Variants in SGCZ observed in about 807,000 individuals in gnomAD.
The protein encoded by SGCZ is zeta-sarcoglycan.
A neutral mutation model predicts 41.3 loss-of-function variants in SGCZ; 40 were observed. The ratio of observed to expected loss-of-function variants is 0.97; its 90% CI spans 0.75 to 1.26. SGCZ has a LOEUF of 1.26. Ranked by LOEUF, SGCZ falls within the 50% of genes most tolerant of loss-of-function variation. The pLI is 0.00. For missense variants in SGCZ, 552 were observed against 369.8 expected (o/e 1.49, Z -4.04); for synonymous variants, 206 against 137.5 (o/e 1.50, Z -3.49).
chr8:14,267,883 C>T (rs1799928337), intron 3 of SGCZ, among the ~76,000 whole-genome samples: 1 of 151,898 alleles, frequency 6.6e-6, no homozygotes, highest in Non-Finnish European at 1.5e-5. Context: ...GTAAAAAAGT[C>T]ATTCTATTTT....
intron 1 of SGCZ, among the ~76,000 whole-genome samples, chr8:15,194,555 TG>T (rs1156726417): frequency 2.0e-5 from 3 of 151,938 alleles, no homozygotes; most frequent in African/African-American, 4.8e-5. Flanking sequence ...ATTACCCAAG[TG>T]GGCCAATGGA....
intron 2 of SGCZ, among the ~76,000 whole-genome samples, chr8:14,445,890 A>G (rs1800418185): frequency 6.6e-6 from 1 of 152,130 alleles, no homozygotes; most frequent in Admixed American, 6.6e-5. Context: ...TCCTGCACTC[A>G]CTAACTCATG....
chr8:14,126,936 C>A (rs1249813026), intron 5 of SGCZ, among the ~76,000 whole-genome samples: 1 of 151,870 alleles, frequency 6.6e-6, no homozygotes, highest in Admixed American at 6.6e-5. Context: ...AATGAGAACA[C>A]ATGGACACAG....
intron 3 of SGCZ, among the ~76,000 whole-genome samples, chr8:14,255,080 G>C (rs956178153): frequency 6.6e-6 from 1 of 152,086 alleles, no homozygotes; most frequent in Non-Finnish European, 1.5e-5. Context: ...ATTAGTTCCA[G>C]ATAATTCTCT....
Position 15,131,713 on chromosome 8 carries a change from A to G in SGCZ, c.39+105872T>C, listed in dbSNP as rs541321267. 3.3e-5 allele frequency among the ~76,000 whole-genome samples: 5 copies of G among 152,282 alleles called. No individual in the cohort carries two copies. In the South Asian group the frequency reaches 8.3e-4, roughly 25 times the overall value. Reference sequence around the variant, plus strand: ...CAGAACAGTTATTGAGTCCCCTAATAGCAACCAGCTCTGTTCATCATTTAT... The same window carrying G: ...CAGAACAGTTATTGAGTCCCCTAATGGCAACCAGCTCTGTTCATCATTTAT... On this transcript the variant is annotated intron_variant, in intron 1 of 7. Transcript: ENST00000382080.
intron 1 of SGCZ, among the ~76,000 whole-genome samples, chr8:15,194,612 A>T (rs1345867598): frequency 6.6e-6 from 1 of 152,194 alleles, no homozygotes; most frequent in East Asian, 1.9e-4. Flanking sequence ...TCAGAGTCAG[A>T]AAAAGGAAAT....
In SGCZ at chr8:14,613,090, C is replaced by A. The variant is rs530544858; in HGVS notation, c.40-58164G>T. Among the ~76,000 whole-genome samples, 163 of 152,286 alleles carry A rather than the reference C, an allele frequency of 1.1e-3. 3 individuals are homozygous for A. Among genetic ancestry groups the A allele is most frequent in the African/African-American group, 3.6e-3 (149 of 41,558 alleles). On this transcript the variant is annotated intron_variant, in intron 1 of 7. Coordinates refer to ENST00000382080, the MANE Select transcript of SGCZ (RefSeq NM_139167.4). Reference sequence around the variant, plus strand: ...GAGGGAGGCTGCACCCTGTGCCCTGCACCCCACATGCACCCTGCCTGGCAC... The same window carrying A: ...GAGGGAGGCTGCACCCTGTGCCCTGAACCCCACATGCACCCTGCCTGGCAC...
intron 3 of SGCZ, among the ~76,000 whole-genome samples, chr8:14,240,287 C>T (rs549918927): frequency 2.9e-5 from 4 of 138,570 alleles, no homozygotes; most frequent in African/African-American, 8.2e-5. Context: ...CAGATTGCAC[C>T]ACTGCACTCC....
At chr8:14,941,808 T>C (rs1585398050) in intron 1 of SGCZ, among the ~76,000 whole-genome samples, 1 of 151,638 alleles carries the variant, frequency 6.6e-6, no homozygotes, top group East Asian at 1.9e-4. Context: ...GTCATATATA[T>C]GTAATATATG....
chr8:14,220,980 G>C (rs1234588427), intron 4 of SGCZ, among the ~76,000 whole-genome samples: 1 of 150,236 alleles, frequency 6.7e-6, no homozygotes, highest in East Asian at 2.0e-4. Context: ...TGAACTTAGA[G>C]TTTCAGTATT....
At chr8:14,695,022 C>CA (rs1466540835) in intron 1 of SGCZ, among the ~76,000 whole-genome samples, 36 of 152,228 alleles carry the variant, frequency 2.4e-4, no homozygotes, top group African/African-American at 8.4e-4. Context: ...GATAAAAGAG[C>CA]AGAGACTTGC....
chr8:14,215,376 TA>T (rs1805958448), intron 4 of SGCZ, among the ~76,000 whole-genome samples: 1 of 152,066 alleles, frequency 6.6e-6, no homozygotes, highest in Non-Finnish European at 1.5e-5. Flanking sequence ...AAAGCAGTGA[TA>T]ACAGACAAAC....
rs1375058410 is a variant in SGCZ at position 14,682,308 on chromosome 8, A to G, written c.40-127382T>C. On this transcript the variant is annotated intron_variant, in intron 1 of 7. Coordinates refer to ENST00000382080, the MANE Select transcript of SGCZ (RefSeq NM_139167.4). ...AGATTATACTTTGAGTATGAAAAGC[A>G]ATGAAAGGCCTCCCATCCACCAGAT... Among the ~76,000 whole-genome samples, 4 of 152,240 alleles carry G rather than the reference A, an allele frequency of 2.6e-5. No homozygotes were observed. In the South Asian group the frequency reaches 6.2e-4, roughly 24 times the overall value.
rs149812312 is a variant in SGCZ, at chr8:14,791,317, C to T, written c.40-236391G>A. ...TTTATTCTGACATTGAGCACATATG[C>T]ATCCCGTTTGCATTGGATGGCACTA... On this transcript the variant is annotated intron_variant, in intron 1 of 7. Transcript: ENST00000382080. Among the ~76,000 whole-genome samples the T allele has an allele frequency of 3.6e-3, 555 of 152,180 alleles. 4 individuals are homozygous for T. Among genetic ancestry groups the T allele is most frequent in the Middle Eastern group, 0.014 (4 of 294 alleles).
At chr8:14,375,619 C>T (rs181403490) in intron 2 of SGCZ, among the ~76,000 whole-genome samples, 10 of 151,992 alleles carry the variant, frequency 6.6e-5, no homozygotes, top group South Asian at 6.2e-4. Flanking sequence ...TCCTATTAAA[C>T]AATACCTGGA....
intron 1 of SGCZ, among the ~76,000 whole-genome samples, chr8:15,134,848 T>C (rs986353055): frequency 1.3e-5 from 2 of 152,216 alleles, no homozygotes; most frequent in Admixed American, 6.5e-5. Flanking sequence ...TTTTTTTTGA[T>C]CATTACGGAA....
At chr8:14,795,717 T>C (rs920069497) in intron 1 of SGCZ, among the ~76,000 whole-genome samples, 42 of 152,192 alleles carry the variant, frequency 2.8e-4, no homozygotes, top group African/African-American at 8.4e-4. Flanking sequence ...TGCATATTAA[T>C]TACATAGGTA....
At chr8:14,801,050 T>A (rs142035559) in intron 1 of SGCZ, among the ~76,000 whole-genome samples, 283 of 152,332 alleles carry the variant, frequency 1.9e-3, no homozygotes, top group African/African-American at 6.5e-3. Flanking sequence ...TGTTTCTGAA[T>A]TATATTGAAT....
Position 14,087,823 on chromosome 8 carries a change from G to C in SGCZ, c.*2620C>G, listed in dbSNP as rs557918738. Among the ~76,000 whole-genome samples, 18 of 151,734 alleles carry C rather than the reference G, an allele frequency of 1.2e-4. No homozygotes were observed. The highest frequency in any genetic ancestry group is 3.6e-4 in the African/African-American group (15 of 41,490). On this transcript the variant is annotated 3_prime_UTR_variant, in exon 8 of 8. Transcript: ENST00000382080. ...TGATCTCTCTGAGGCAGGGATCTTG[G>C]CTTAGATTCAGAAATCTGAAACAGC...
Sources: gnomAD v4.1 joint callset for allele counts (sites outside exome capture counted in the v4.1 genomes callset) on GRCh38, gnomAD v4.1.1 for gene constraint, MANE v1.5 for transcripts, NCBI Gene and HGNC (gene_info 2026-07-23, HGNC 2026-07-21) for gene names.